TSGA10: variants seen among roughly 807,000 people sequenced by gnomAD.
TSGA10 encodes testis-specific gene 10 protein.
TSGA10 carries 43 observed loss-of-function variants against 96.6 expected under a neutral mutation model. The ratio of observed to expected loss-of-function variants is 0.44; its 90% CI spans 0.35 to 0.57. The LOEUF is 0.57. TSGA10 is among the 20% of genes least tolerant of loss of function. The pLI, the probability that TSGA10 is intolerant of heterozygous loss-of-function variation, is 0.01. For synonymous variants in TSGA10, 229 were observed against 269.9 expected, an observed-to-expected ratio of 0.85 and a Z score of 1.48; for missense variants, 703 against 834.4, an observed-to-expected ratio of 0.84 and a Z score of 1.94.
At chr2:99,140,865 C>T (rs2105100600) in intron 1 of TSGA10, among the ~76,000 whole-genome samples, 1 of 152,224 alleles carries the variant, frequency 6.6e-6, no homozygotes, top group African/African-American at 2.4e-5. Context: ...TGGGCTCAAA[C>T]CTAACCTCCC....
intron 6 of TSGA10, 72 bp downstream of exon 6, chr2:99,109,317 A>G: frequency 6.8e-7 from 1 of 1,475,106 alleles, no homozygotes; most frequent in South Asian, 1.1e-5. Flanking sequence ...TTTTCAAATT[A>G]GGTAAAACAA....
Position 99,108,830 on chromosome 2 carries a change from T to C in TSGA10, c.210+3A>G, listed in dbSNP as rs748011016. 10 of 1,546,770 alleles carry C rather than the reference T, an allele frequency of 6.5e-6. No homozygotes were observed. Reference sequence around the variant, plus strand: ...TTATATAATTTGTTTTTTGTAAGTTTACCTGTTCATAAAGAAGGAAGATCT... The same window carrying C: ...TTATATAATTTGTTTTTTGTAAGTTCACCTGTTCATAAAGAAGGAAGATCT... On this transcript the variant is annotated splice_donor_region_variant and intron_variant, in intron 7 of 20. Transcript: ENST00000393483.
At chr2:99,059,544 C>G (rs1291715217) in intron 16 of TSGA10, among the ~76,000 whole-genome samples, 3 of 150,292 alleles carry the variant, frequency 2.0e-5, no homozygotes, top group Non-Finnish European at 3.0e-5. Context: ...GAGGCTGAGG[C>G]AGGAGAATTG....
At chr2:99,016,960 T>C (rs908160847) in intron 20 of TSGA10, among the ~76,000 whole-genome samples, 2 of 152,114 alleles carry the variant, frequency 1.3e-5, no homozygotes, top group Non-Finnish European at 2.9e-5. Flanking sequence ...ATACCTACCT[T>C]ACTCCTGCAA....
At chr2:99,064,015 T>C (rs2084979257) in intron 16 of TSGA10, among the ~76,000 whole-genome samples, 1 of 152,136 alleles carries the variant, frequency 6.6e-6, no homozygotes, top group Admixed American at 6.5e-5. Flanking sequence ...TATCAAGTAT[T>C]GATTCACATT....
At chr2:99,070,969 C>CATTT (rs2085897722) in intron 14 of TSGA10, among the ~76,000 whole-genome samples, 1 of 152,010 alleles carries the variant, frequency 6.6e-6, no homozygotes. Flanking sequence ...TCCCATTATT[C>CATTT]ATTTACTTTT....
chr2:99,020,613 G>T, intron 17 of TSGA10, 131 bp from the exon 18 acceptor site: 1 of 631,664 alleles, frequency 1.6e-6, no homozygotes. Context: ...TTGAAATTGT[G>T]TCCCTCCTTC....
At chr2:99,125,874 C>T (rs973533911) in intron 2 of TSGA10, 2 of 152,224 alleles carry the variant, frequency 1.3e-5, no homozygotes, top group Non-Finnish European at 2.9e-5. Flanking sequence ...CCTACGTGTC[C>T]CCCACTGACA....
chr2:99,030,096 C>G lies in TSGA10; in HGVS notation c.1614+5134G>C, dbSNP rs536641028. On this transcript the variant is annotated intron_variant, in intron 17 of 20. Transcript: ENST00000393483. ...GCACGGTGGCTCATGCCTGTAATCC[C>G]AGCACTTTGGGAGGCTGAGGCAGGC... Among the ~76,000 whole-genome samples the G allele has an allele frequency of 9.2e-5, 14 of 152,304 alleles. No homozygotes were observed. In the South Asian group the frequency reaches 2.9e-3, roughly 32 times the overall value.
rs114250093 is a variant in TSGA10, at chr2:99,035,138, G to A, written c.1614+92C>T. The A allele has an allele frequency of 4.6e-3, 4,045 of 883,450 alleles. 11 individuals are homozygous for A. The highest frequency in any genetic ancestry group is 5.6e-3 in the Non-Finnish European group (3,320 of 589,186). The allele number at this position is 883,450 out of a possible 1,614,324, so 54.7% of individuals were successfully genotyped here. A position where few individuals can be genotyped will look rare whatever the true frequency, so the allele number is the denominator to read the frequency against. ...TCTAAGTTCAAAGACATGGATTCATGTAATATTACATAAAAAAGAACTTAC... is the reference window on the plus strand; with the variant it reads ...TCTAAGTTCAAAGACATGGATTCATATAATATTACATAAAAAAGAACTTAC... On this transcript the variant is annotated intron_variant, in intron 17 of 20. Coordinates refer to ENST00000393483, the MANE Select transcript of TSGA10 (RefSeq NM_025244.4).
chr2:99,051,292 T>C (rs971064869), intron 16 of TSGA10, among the ~76,000 whole-genome samples: 1 of 152,004 alleles, frequency 6.6e-6, no homozygotes, highest in South Asian at 2.1e-4. Flanking sequence ...ACTAAAAAGA[T>C]AAAAAATATA....
intron 20 of TSGA10, among the ~76,000 whole-genome samples, chr2:98,998,835 G>A (rs903203374): frequency 1.3e-5 from 2 of 152,184 alleles, no homozygotes; most frequent in Non-Finnish European, 2.9e-5. Context: ...GTAAGGATAT[G>A]TGGGACTGTC....
In TSGA10 at chr2:99,055,772, G is replaced by A. The variant is rs555450462; in HGVS notation, c.1404+9167C>T. On this transcript the variant is annotated intron_variant, in intron 16 of 20. Coordinates refer to ENST00000393483, the MANE Select transcript of TSGA10 (RefSeq NM_025244.4). ...TGGAAGGCTGAGGTGGGAAGATCTTGAGCCCAGGAGGTCAAGGCTGCAGTG... is the reference window on the plus strand; with the variant it reads ...TGGAAGGCTGAGGTGGGAAGATCTTAAGCCCAGGAGGTCAAGGCTGCAGTG... Among the ~76,000 whole-genome samples, 7 of 148,822 alleles carry A rather than the reference G, an allele frequency of 4.7e-5. No homozygotes were observed. In the South Asian group the frequency reaches 1.5e-3, roughly 31 times the overall value.
chr2:99,088,290 G>A (rs2104658978), intron 10 of TSGA10, among the ~76,000 whole-genome samples: 1 of 152,258 alleles, frequency 6.6e-6, no homozygotes, highest in East Asian at 1.9e-4. Context: ...TTTACAATAT[G>A]TGGTTATAAT....
At chr2:99,078,837 TTG>T (rs778126887) in intron 11 of TSGA10, 24 bp from the exon 12 acceptor site, 7 of 1,575,884 alleles carry the variant, frequency 4.4e-6, no homozygotes, top group Non-Finnish European at 5.2e-6. Context: ...CATAAAAGTG[TTG>T]TTTTAATCAA....
chr2:99,144,802 A>T (rs2093615708), intron 1 of TSGA10, among the ~76,000 whole-genome samples: 1 of 152,116 alleles, frequency 6.6e-6, no homozygotes, highest in Non-Finnish European at 1.5e-5. Context: ...TGCAATGCAA[A>T]AATTGCTTCA....
chr2:99,062,257 T>C (rs2084784985), intron 16 of TSGA10, among the ~76,000 whole-genome samples: 1 of 152,158 alleles, frequency 6.6e-6, no homozygotes, highest in African/African-American at 2.4e-5. Flanking sequence ...CAAGGTCATG[T>C]AGAATATTAT....
intron 20 of TSGA10, among the ~76,000 whole-genome samples, chr2:99,002,030 G>C (rs576674873): frequency 3.1e-4 from 47 of 152,192 alleles, no homozygotes; most frequent in African/African-American, 9.9e-4. Context: ...TGAAAGTGAC[G>C]GGGAGAATGG....
intron 15 of TSGA10, among the ~76,000 whole-genome samples, chr2:99,066,436 G>A (rs2085271911): frequency 6.6e-6 from 1 of 152,124 alleles, no homozygotes; most frequent in African/African-American, 2.4e-5. Flanking sequence ...TTAACTTTGT[G>A]CAGTACTTAC....
Sources: gnomAD v4.1 joint callset for allele counts (sites outside exome capture counted in the v4.1 genomes callset) on GRCh38, gnomAD v4.1.1 for gene constraint, MANE v1.5 for transcripts, NCBI Gene and HGNC (gene_info 2026-07-23, HGNC 2026-07-21) for gene names.